The following FAM219A variants were observed in gnomAD, a reference collection of about 807,000 sequenced individuals.
FAM219A encodes protein FAM219A.
FAM219A carries 7 observed loss-of-function variants against 23.4 expected under a neutral mutation model. The observed-to-expected ratio is 0.30, with a 90% CI of 0.17 to 0.56. The LOEUF (loss-of-function observed/expected upper bound fraction) is 0.56. FAM219A is among the 20% of genes least tolerant of loss of function. The pLI is 0.92. For missense variants in FAM219A, 166 were observed against 246.9 expected, an observed-to-expected ratio of 0.67 and a Z score of 2.20; for synonymous variants, 93 against 99.0, an observed-to-expected ratio of 0.94 and a Z score of 0.36.
At position 34,398,777 on chromosome 9, in the gene FAM219A, C is replaced by G; in HGVS notation, c.*2187G>C. On this transcript the variant is annotated 3_prime_UTR_variant, in exon 6 of 6. Coordinates refer to ENST00000651358, the MANE Select transcript of FAM219A (RefSeq NM_001184940.2). ...TAGTGGGAGGGCTGGCTCTGGGGTC[C>G]AGATGATGGGGGCACAGGGGTTGGG... The G allele has an allele frequency of 5.8e-6, 1 of 170,988 alleles. No individual in the cohort carries two copies. Among genetic ancestry groups the G allele is most frequent in the Non-Finnish European group, 1.2e-5 (1 of 83,756 alleles). 10.6% of individuals were successfully genotyped at this position (170,988 alleles called of 1,614,324 possible).
intron 1 of FAM219A, among the ~76,000 whole-genome samples, chr9:34,418,038 C>T (rs1822099255): frequency 6.6e-6 from 1 of 152,138 alleles, no homozygotes; most frequent in African/African-American, 2.4e-5. Context: ...GTGTCCCTTG[C>T]TTTTAGATGT....
intron 1 of FAM219A, among the ~76,000 whole-genome samples, chr9:34,451,543 G>A (rs1309619866): frequency 1.3e-5 from 2 of 148,664 alleles, no homozygotes; most frequent in Non-Finnish European, 3.0e-5. Flanking sequence ...TCCCTTTCCA[G>A]ACACGAGGCT....
At chr9:34,441,158 G>A (rs1362006508) in intron 1 of FAM219A, among the ~76,000 whole-genome samples, 6 of 152,152 alleles carry the variant, frequency 3.9e-5, no homozygotes, top group Non-Finnish European at 8.8e-5. Context: ...ACCAGGTTTG[G>A]GTCCTTGCCA....
chr9:34,421,045 A>AGAGAGAGAC (rs68047702), intron 1 of FAM219A, among the ~76,000 whole-genome samples: 3 of 117,226 alleles, frequency 2.6e-5, no homozygotes, highest in South Asian at 2.8e-4. Context: ...AGAGAGAGAG[A>AGAGAGAGAC]ATGGCTCTGC....
intron 1 of FAM219A, among the ~76,000 whole-genome samples, chr9:34,454,907 C>T (rs1823678451): frequency 6.6e-6 from 1 of 152,184 alleles, no homozygotes; most frequent in South Asian, 2.1e-4. Flanking sequence ...TGATGGCGCC[C>T]ATGTGACAAG....
intron 1 of FAM219A, among the ~76,000 whole-genome samples, chr9:34,412,901 C>G (rs1483048957): frequency 6.6e-6 from 1 of 152,148 alleles, no homozygotes; most frequent in African/African-American, 2.4e-5. Flanking sequence ...AAGAAGCAGA[C>G]AGAGTGACCA....
chr9:34,429,954 C>T (rs929661386), intron 1 of FAM219A, among the ~76,000 whole-genome samples: 1 of 152,146 alleles, frequency 6.6e-6, no homozygotes, highest in Non-Finnish European at 1.5e-5. Flanking sequence ...CCTTGTTCCA[C>T]TGGTTTCTTA....
rs570091010 is a variant in FAM219A, at chr9:34,398,973, G to C, written c.*1991C>G. The C allele has an allele frequency of 6.5e-6, 1 of 153,784 alleles. No homozygotes were observed. Among genetic ancestry groups the C allele is most frequent in the Non-Finnish European group, 1.4e-5 (1 of 69,118 alleles). The allele number at this position is 153,784 out of a possible 1,614,324, so 9.5% of individuals were successfully genotyped here. On this transcript the variant is annotated 3_prime_UTR_variant, in exon 6 of 6. Coordinates refer to ENST00000651358, the MANE Select transcript of FAM219A (RefSeq NM_001184940.2). ...GGAATGGGTTGGCGGAGTGGGGGGTGGTGAGCTGTACCCCAATATTTTGGA... is the reference window on the plus strand; with the variant it reads ...GGAATGGGTTGGCGGAGTGGGGGGTCGTGAGCTGTACCCCAATATTTTGGA...
chr9:34,429,352 T>C lies in FAM219A; in HGVS notation c.61-23388A>G, dbSNP rs562795315. On this transcript the variant is annotated intron_variant, in intron 1 of 5. Transcript: ENST00000651358. ...TTGCACAAATTCAGAGCAGGGCTGG[T>C]TGAGAGGAACAGGGTCCTGAGTGTT... 3.9e-4 allele frequency among the ~76,000 whole-genome samples: 59 copies of C among 152,232 alleles called. No individual in the cohort carries two copies. In the East Asian group the frequency reaches 0.01, roughly 26 times the overall value.
chr9:34,424,402 G>A (rs1360518966), intron 1 of FAM219A, among the ~76,000 whole-genome samples: 3 of 151,498 alleles, frequency 2.0e-5, no homozygotes, highest in South Asian at 2.1e-4. Flanking sequence ...GTCCAGTCAC[G>A]GTCCAGAGAT....
chr9:34,408,442 TA>T (rs979978928), intron 1 of FAM219A, among the ~76,000 whole-genome samples: 2 of 152,208 alleles, frequency 1.3e-5, no homozygotes, highest in African/African-American at 4.8e-5. Flanking sequence ...GAAGGCTTTT[TA>T]AAGGGCAAAT....
Position 34,421,713 on chromosome 9 carries a change from T to A in FAM219A, c.61-15749A>T, listed in dbSNP as rs1588048479. Among the ~76,000 whole-genome samples the A allele has an allele frequency of 2.2e-5, 3 of 138,228 alleles. No individual in the cohort carries two copies. The South Asian group carries it at 7.4e-4, about 34-fold the overall frequency. 90.7% of individuals were successfully genotyped at this position (138,228 alleles called of 152,430 possible). A position where few individuals can be genotyped will look rare whatever the true frequency, so the allele number is the denominator to read the frequency against. ...CCTGCCACAGCCTCCCCCACCCCCA[T>A]ACAACCTCTACCTCTTCTAGACAGC... On this transcript the variant is annotated intron_variant, in intron 1 of 5. Coordinates refer to ENST00000651358, the MANE Select transcript of FAM219A (RefSeq NM_001184940.2).
At chr9:34,432,120 T>C (rs765090221) in intron 1 of FAM219A, among the ~76,000 whole-genome samples, 1 of 152,240 alleles carries the variant, frequency 6.6e-6, no homozygotes, top group Non-Finnish European at 1.5e-5. Context: ...GGCTTCCTTT[T>C]GGTCAAAGTT....
At chr9:34,435,356 G>A (rs1321781529) in intron 1 of FAM219A, among the ~76,000 whole-genome samples, 2 of 152,044 alleles carry the variant, frequency 1.3e-5, no homozygotes, top group African/African-American at 2.4e-5. Flanking sequence ...AATATGGAAA[G>A]CATGAGCTCT....
At chr9:34,432,819 CA>C (rs1253352496) in intron 1 of FAM219A, among the ~76,000 whole-genome samples, 1 of 152,088 alleles carries the variant, frequency 6.6e-6, no homozygotes, top group East Asian at 1.9e-4. Context: ...AAAAATGGGG[CA>C]GGGGCGGTGT....
At chr9:34,416,183 A>AAAGGAAAG (rs1821994004) in intron 1 of FAM219A, among the ~76,000 whole-genome samples, 1 of 64,014 alleles carries the variant, frequency 1.6e-5, no homozygotes, top group Non-Finnish European at 2.7e-5. Flanking sequence ...GAAGAAAGAG[A>AAAGGAAAG]AAAGAAAGAA....
At position 34,456,720 on chromosome 9, in the gene FAM219A, A is replaced by G. The variant is rs143456264; in HGVS notation, c.60+1484T>C. 1.4e-4 allele frequency among the ~76,000 whole-genome samples: 21 copies of G among 152,352 alleles called. No individual in the cohort carries two copies. In the East Asian group the frequency reaches 1.5e-3, roughly 11 times the overall value. ...GATTTTCTGGCTCCCAAATAATCCA[A>G]TGATGGCATGAGGCTAGGAAAAAGT... On this transcript the variant is annotated intron_variant, in intron 1 of 5. Coordinates refer to ENST00000651358, the MANE Select transcript of FAM219A (RefSeq NM_001184940.2).
chr9:34,425,867 T>A (rs556955823), intron 1 of FAM219A, among the ~76,000 whole-genome samples: 1 of 152,372 alleles, frequency 6.6e-6, no homozygotes, highest in South Asian at 2.1e-4. Context: ...GGTCTGTGAA[T>A]GCTGTTAGAG....
intron 1 of FAM219A, among the ~76,000 whole-genome samples, chr9:34,416,477 T>C (rs1360662687): frequency 6.6e-6 from 1 of 152,128 alleles, no homozygotes; most frequent in African/African-American, 2.4e-5. Context: ...CATAGTATAT[T>C]TTGTGGCTGG....
Sources: allele counts gnomAD v4.1 joint callset (sites outside exome capture counted in the v4.1 genomes callset), GRCh38; gene constraint gnomAD v4.1.1; transcripts MANE v1.5; gene names NCBI Gene and HGNC (gene_info 2026-07-23, HGNC 2026-07-21).